NAE1: variants seen among roughly 807,000 people sequenced by gnomAD.
The protein encoded by NAE1 is NEDD8-activating enzyme E1 regulatory subunit.
NAE1 carries 59 observed loss-of-function variants against 88.0 expected under a neutral mutation model. The ratio of observed to expected loss-of-function variants is 0.67; its 90% CI spans 0.54 to 0.83. The LOEUF (loss-of-function observed/expected upper bound fraction) is 0.83. Ranked by LOEUF, NAE1 falls within the 40% of genes least tolerant of loss-of-function variation. The probability of loss-of-function intolerance (pLI) is 0.00; values close to 1 mark genes in which losing one functional copy is unlikely to be tolerated. For missense variants in NAE1, 554 were observed against 632.8 expected (o/e 0.88, Z 1.34); for synonymous variants, 186 against 208.9 (o/e 0.89, Z 0.95).
At position 66,823,905 on chromosome 16, in the gene NAE1, A is replaced by T. The variant is rs540699591; in HGVS notation, c.250-305T>A. Among the ~76,000 whole-genome samples the T allele has an allele frequency of 1.4e-4, 21 of 152,150 alleles. No individual in the cohort carries two copies. In the East Asian group the frequency reaches 3.5e-3, roughly 25 times the overall value. On this transcript the variant is annotated intron_variant, in intron 4 of 19. Transcript: ENST00000290810. Reference sequence around the variant, plus strand: ...TGCTACCATGCCCAGCTAATTTTTTAAAAAAATATTTTGTAGAGACAGGGT... The same window carrying T: ...TGCTACCATGCCCAGCTAATTTTTTTAAAAAATATTTTGTAGAGACAGGGT...
chr16:66,809,265 G>A (rs1959693325), intron 15 of NAE1, among the ~76,000 whole-genome samples, 190 bp from the exon 16 acceptor site: 1 of 152,122 alleles, frequency 6.6e-6, no homozygotes, highest in African/African-American at 2.4e-5. Context: ...TTATATCCCT[G>A]GCACTACAAC....
At chr16:66,829,121 G>A (rs1215014612) in intron 1 of NAE1, among the ~76,000 whole-genome samples, 1 of 152,174 alleles carries the variant, frequency 6.6e-6, no homozygotes, top group Non-Finnish European at 1.5e-5. Flanking sequence ...ATTGACTGCT[G>A]CATTTTGCTT....
At chr16:66,822,330 G>C (rs1196120704) in intron 6 of NAE1, among the ~76,000 whole-genome samples, 2 of 152,156 alleles carry the variant, frequency 1.3e-5, no homozygotes, top group Non-Finnish European at 2.9e-5. Context: ...CAGGACTTTG[G>C]GTGGCTGAGG....
At chr16:66,816,188 C>T (rs987438815) in intron 11 of NAE1, among the ~76,000 whole-genome samples, 3 of 151,904 alleles carry the variant, frequency 2.0e-5, no homozygotes, top group Admixed American at 6.6e-5. Flanking sequence ...GCATCTGAGG[C>T]GGAGTCTTAC....
Position 66,816,898 on chromosome 16 carries a change from A to G in NAE1, c.748+67T>C, listed in dbSNP as rs191687268. 106 of 1,546,562 alleles carry G rather than the reference A, an allele frequency of 6.9e-5. 1 individual carries two copies. The Admixed American group carries it at 1.0e-3, about 15-fold the overall frequency. ...TGACAAAGGTGTTAACAGAAATCCA[A>G]TAAGTACCTGCCTCTAGCAATTTGC... On this transcript the variant is annotated intron_variant, in intron 10 of 19. Coordinates refer to ENST00000290810, the MANE Select transcript of NAE1 (RefSeq NM_003905.4).
chr16:66,823,165 G>T, intron 6 of NAE1, 62 bp downstream of exon 6: 1 of 1,057,594 alleles, frequency 9.5e-7, no homozygotes. Context: ...ACTGTGCAAA[G>T]AAAATAAAAC....
At chr16:66,828,151 T>C in intron 1 of NAE1, 2 of 1,092,328 alleles carry the variant, frequency 1.8e-6, no homozygotes, top group Non-Finnish European at 2.7e-6. Context: ...ACCTGACATA[T>C]ATGGTTGATG....
rs1374955638 is a variant in NAE1, at chr16:66,826,311, A to G, written c.218+212T>C. 7.0e-6 allele frequency: 4 copies of G among 567,920 alleles called. No homozygotes were observed. The Admixed American group carries it at 9.7e-5, about 14-fold the overall frequency. The allele number at this position is 567,920 out of a possible 1,614,324, so 35.2% of individuals were successfully genotyped here. A position where few individuals can be genotyped will look rare whatever the true frequency, so the allele number is the denominator to read the frequency against. ...CGACTACTCCTTTGTATTAATAACA[A>G]TAAAGACAGTAATGATGGGTAACAT... On this transcript the variant is annotated intron_variant, in intron 3 of 19. Coordinates refer to ENST00000290810, the MANE Select transcript of NAE1 (RefSeq NM_003905.4).
In NAE1 at chr16:66,816,586, T is replaced by G; in HGVS notation, c.835A>C (p.Thr279Pro). 1 of 1,601,844 alleles carries G rather than the reference T, an allele frequency of 6.2e-7. No homozygotes were observed. Among genetic ancestry groups the G allele is most frequent in the Non-Finnish European group, 8.6e-7 (1 of 1,169,570 alleles). ...CTCAGCAACTCTTTCATTACCTGAG[T>G]TGTATTTAGTGCTGTGTTCACATTT... Reference protein sequence around the residue: ...IKNVNTALNTTQIPSSIEDIF... With the variant: ...IKNVNTALNTPQIPSSIEDIF... Residue 279 changes from threonine (T) to proline (P), a missense_variant, in exon 11 of 20, where the codon ACT becomes CCT. By Grantham distance (38) the Thr-to-Pro change is conservative. Transcript: ENST00000290810.
Position 66,802,995 on chromosome 16 carries a change from G to C in NAE1, c.*14C>G. 6.7e-7 allele frequency: 1 copy of C among 1,489,302 alleles called. No homozygotes were observed. Among genetic ancestry groups the C allele is most frequent in the Non-Finnish European group, 9.4e-7 (1 of 1,066,760 alleles). The allele number at this position is 1,489,302 out of a possible 1,614,324, so 92.3% of individuals were successfully genotyped here. On this transcript the variant is annotated 3_prime_UTR_variant, in exon 20 of 20. Coordinates refer to ENST00000290810, the MANE Select transcript of NAE1 (RefSeq NM_003905.4). ...TTTCAATCATTAACACACTACTTAA[G>C]GTGCTTGCTTACTCTACAACTGGAA...
chr16:66,816,376 G>A (rs1433931032), intron 11 of NAE1, among the ~76,000 whole-genome samples: 1 of 152,056 alleles, frequency 6.6e-6, no homozygotes, highest in African/African-American at 2.4e-5. Flanking sequence ...TGTTGGCCAG[G>A]CTGGTCTCGA....
At chr16:66,822,199 T>A (rs777525043) in intron 6 of NAE1, among the ~76,000 whole-genome samples, 5 of 152,100 alleles carry the variant, frequency 3.3e-5, no homozygotes, top group Admixed American at 6.6e-5. Flanking sequence ...TTTTAATCAC[T>A]AAAACAAACA....
At chr16:66,805,873 G>A (rs201615966) in intron 18 of NAE1, 39 bp downstream of exon 18, 1 of 1,594,134 alleles carries the variant, frequency 6.3e-7, no homozygotes. Flanking sequence ...CTTATGACAG[G>A]TGTGGAATCA....
chr16:66,816,790 C>A, intron 10 of NAE1, 118 bp from the exon 11 acceptor site: 1 of 1,264,256 alleles, frequency 7.9e-7, no homozygotes, highest in South Asian at 1.5e-5. Context: ...AGAAATACGG[C>A]TTATCATTAG....
chr16:66,830,030 C>G (rs1212425967), intron 1 of NAE1, among the ~76,000 whole-genome samples: 1 of 152,102 alleles, frequency 6.6e-6, no homozygotes, highest in African/African-American at 2.4e-5. Flanking sequence ...GGATTACAGG[C>G]GCGCACCACC....
At chr16:66,820,674 G>A (rs1474208243) in intron 7 of NAE1, among the ~76,000 whole-genome samples, 1 of 152,100 alleles carries the variant, frequency 6.6e-6, no homozygotes, top group Non-Finnish European at 1.5e-5. Flanking sequence ...GGCCAAGGCG[G>A]GCAGATCACG....
At chr16:66,808,812 A>G (rs1292125058) in intron 16 of NAE1, 177 bp downstream of exon 16, 1 of 605,264 alleles carries the variant, frequency 1.7e-6, no homozygotes, top group African/African-American at 1.9e-5. Flanking sequence ...TTATGCATAC[A>G]TTAAGTTTCA....
chr16:66,807,291 C>T (rs984762702), intron 17 of NAE1, among the ~76,000 whole-genome samples: 1 of 152,248 alleles, frequency 6.6e-6, no homozygotes, highest in South Asian at 2.1e-4. Flanking sequence ...ACAAATAAAG[C>T]AATACATATT....
chr16:66,828,175 T>C lies in NAE1; in HGVS notation c.54-1395A>G, dbSNP rs140544011. The C allele has an allele frequency of 7.2e-4, 662 of 914,320 alleles. 2 individuals carry two copies. The African/African-American group carries it at 0.01, about 14-fold the overall frequency. The allele number at this position is 914,320 out of a possible 1,614,324, so 56.6% of individuals were successfully genotyped here. A position where few individuals can be genotyped will look rare whatever the true frequency, so the allele number is the denominator to read the frequency against. The stretch of plus-strand genomic sequence containing the variant: ...ATATGGTTGATGGATGCTTAGATAG[T>C]TGGAGAGTAAATTTAAGAATACTGG... On this transcript the variant is annotated intron_variant, in intron 1 of 19. Transcript: ENST00000290810.
Sources: gnomAD v4.1 joint callset for allele counts (sites outside exome capture counted in the v4.1 genomes callset) on GRCh38, gnomAD v4.1.1 for gene constraint, MANE v1.5 for transcripts, NCBI Gene and HGNC (gene_info 2026-07-23, HGNC 2026-07-21) for gene names.